GREM2: variants seen among roughly 807,000 people sequenced by gnomAD.
GREM2 encodes gremlin-2.
In GREM2, 11 loss-of-function variants were observed where a neutral mutation model predicts 14.2. The observed-to-expected ratio is 0.78, with a 90% CI of 0.49 to 1.28. GREM2 has a LOEUF of 1.28. GREM2 is among the 50% of genes most tolerant of loss of function. The probability of loss-of-function intolerance (pLI) is 0.00; values close to 1 mark genes in which losing one functional copy is unlikely to be tolerated. For synonymous variants in GREM2, 98 were observed against 97.6 expected, an observed-to-expected ratio of 1.00 and a Z score of -0.02; for missense variants, 210 against 218.5, an observed-to-expected ratio of 0.96 and a Z score of 0.24.
intron 1 of GREM2, among the ~76,000 whole-genome samples, chr1:240,586,749 G>A (rs779930145): frequency 6.6e-6 from 1 of 152,162 alleles, no homozygotes; most frequent in Non-Finnish European, 1.5e-5. Context: ...TTGAAAAAGA[G>A]TTTATCTTAA....
In GREM2 at chr1:240,493,062, G is replaced by C; in HGVS notation, c.414C>G (p.Pro138=). 1.2e-6 allele frequency: 2 copies of C among 1,612,522 alleles called. No homozygotes were observed. The highest frequency in any genetic ancestry group is 1.7e-6 in the Non-Finnish European group (2 of 1,178,794). The stretch of plus-strand genomic sequence containing the variant: ...TGAGTCGGAAGGGTGGGTCCAGGCC[G>C]GGGCACTCGAGCTCCACGAGGACGG... ...VTSVLVELEC[P]GLDPPFRLKK... Residue 138 remains proline (P), a synonymous_variant, in exon 2 of 2, where the codon CCC becomes CCG. Transcript: ENST00000318160.
At chr1:240,498,222 C>T (rs1176717881) in intron 1 of GREM2, among the ~76,000 whole-genome samples, 2 of 152,176 alleles carry the variant, frequency 1.3e-5, no homozygotes, top group Admixed American at 1.3e-4. Flanking sequence ...GGCAATCATC[C>T]TTAGAAGTTA....
intron 1 of GREM2, among the ~76,000 whole-genome samples, chr1:240,529,412 G>C (rs981139855): frequency 1.9e-4 from 29 of 151,744 alleles, no homozygotes; most frequent in Non-Finnish European, 3.7e-4. Context: ...ACAAAATCTC[G>C]GTCTTCCCAT....
At chr1:240,603,062 C>T (rs1195196713) in intron 1 of GREM2, among the ~76,000 whole-genome samples, 5 of 151,502 alleles carry the variant, frequency 3.3e-5, no homozygotes, top group African/African-American at 9.7e-5. Flanking sequence ...GACAGAGCTG[C>T]GACAGAGCGA....
At chr1:240,590,250 G>C (rs1679680529) in intron 1 of GREM2, among the ~76,000 whole-genome samples, 1 of 152,106 alleles carries the variant, frequency 6.6e-6, no homozygotes, top group African/African-American at 2.4e-5. Flanking sequence ...TAACATCAGA[G>C]CTCTTTACCT....
At chr1:240,495,047 G>C (rs1304525270) in intron 1 of GREM2, among the ~76,000 whole-genome samples, 1 of 152,246 alleles carries the variant, frequency 6.6e-6, no homozygotes. Context: ...TTATTCTCAT[G>C]CTATCTAAAA....
At chr1:240,574,030 CT>C (rs1166656219) in intron 1 of GREM2, among the ~76,000 whole-genome samples, 2 of 152,100 alleles carry the variant, frequency 1.3e-5, no homozygotes, top group East Asian at 1.9e-4. Context: ...GGTGATTCTC[CT>C]TGCCTCAGCC....
intron 1 of GREM2, among the ~76,000 whole-genome samples, chr1:240,596,825 T>C (rs921696223): frequency 1.8e-4 from 27 of 152,258 alleles, no homozygotes; most frequent in African/African-American, 6.5e-4. Flanking sequence ...GTCACGTAGA[T>C]GTACCCAAAC....
chr1:240,532,775 C>T (rs746831843), intron 1 of GREM2, among the ~76,000 whole-genome samples: 1 of 152,170 alleles, frequency 6.6e-6, no homozygotes, highest in Non-Finnish European at 1.5e-5. Context: ...AGTTAAGTCT[C>T]TATCTAAATA....
At chr1:240,523,401 C>G (rs1483192669) in intron 1 of GREM2, among the ~76,000 whole-genome samples, 1 of 152,060 alleles carries the variant, frequency 6.6e-6, no homozygotes, top group East Asian at 2.0e-4. Context: ...TGGCTTCCAC[C>G]CATTAGACAC....
At chr1:240,558,827 T>C (rs1426946026) in intron 1 of GREM2, among the ~76,000 whole-genome samples, 2 of 152,078 alleles carry the variant, frequency 1.3e-5, no homozygotes. Flanking sequence ...AAAATAATGA[T>C]AATAAACTCA....
intron 1 of GREM2, among the ~76,000 whole-genome samples, chr1:240,597,204 G>C (rs1025623870): frequency 4.6e-5 from 7 of 152,200 alleles, no homozygotes; most frequent in African/African-American, 1.7e-4. Context: ...CGCTGTCTCG[G>C]GTGTGCAACA....
chr1:240,502,083 C>T (rs1677581626), intron 1 of GREM2, among the ~76,000 whole-genome samples: 1 of 152,138 alleles, frequency 6.6e-6, no homozygotes, highest in Admixed American at 6.5e-5. Context: ...GGACAGCATT[C>T]TGTGTCCAGT....
chr1:240,543,128 A>AT lies in GREM2; in HGVS notation c.-1-49653dup. ...ACTCTGTCATGATTATTTGACTATT[A>AT]TTTTACATCCCCCATCAGATTGTGG... is the stretch of plus-strand genomic sequence containing the variant. On this transcript the variant is annotated intron_variant, in intron 1 of 1. Transcript: ENST00000318160. This position sits in a 1 kb window ranked among gnomAD's most constrained non-coding sequence, Gnocchi z 6.4. 6.6e-6 allele frequency among the ~76,000 whole-genome samples: 1 copy of AT among 152,306 alleles called. No homozygotes were observed. The highest frequency in any genetic ancestry group is 2.1e-4 in the South Asian group (1 of 4,820).
intron 1 of GREM2, among the ~76,000 whole-genome samples, chr1:240,594,169 G>A (rs1679768877): frequency 6.6e-6 from 1 of 152,000 alleles, no homozygotes; most frequent in African/African-American, 2.4e-5. Flanking sequence ...TCCCAGGCTG[G>A]TCTTGAACTA....
intron 1 of GREM2, among the ~76,000 whole-genome samples, chr1:240,498,856 C>G (rs1195635760): frequency 6.6e-6 from 1 of 152,156 alleles, no homozygotes; most frequent in Non-Finnish European, 1.5e-5. Flanking sequence ...TTTTATTAAC[C>G]ATCTTTCTGG....
At chr1:240,521,662 G>T (rs1678101500) in intron 1 of GREM2, among the ~76,000 whole-genome samples, 1 of 152,154 alleles carries the variant, frequency 6.6e-6, no homozygotes, top group Non-Finnish European at 1.5e-5. Flanking sequence ...AATGACATCT[G>T]TTAGAATATT....
intron 1 of GREM2, among the ~76,000 whole-genome samples, chr1:240,538,650 G>A (rs1487962080): frequency 3.9e-5 from 6 of 151,994 alleles, no homozygotes; most frequent in East Asian, 3.9e-4. Flanking sequence ...TTCAGGAGGC[G>A]GAGGTTGCAG....
chr1:240,513,013 T>C (rs1677868247), intron 1 of GREM2, among the ~76,000 whole-genome samples: 1 of 152,188 alleles, frequency 6.6e-6, no homozygotes, highest in Non-Finnish European at 1.5e-5. Context: ...AGAATTTACA[T>C]TCTAGAGAGG....
Sources: allele counts gnomAD v4.1 joint callset (sites outside exome capture counted in the v4.1 genomes callset), GRCh38; gene constraint gnomAD v4.1.1; non-coding constraint Gnocchi (gnomAD v3.1); transcripts MANE v1.5; gene names NCBI Gene and HGNC (gene_info 2026-07-23, HGNC 2026-07-21).